ZNF638: variants seen among roughly 807,000 people sequenced by gnomAD.
ZNF638 encodes the protein zinc finger protein 638.
In ZNF638, 46 loss-of-function variants were observed where a neutral mutation model predicts 195.6. That is an observed-to-expected ratio of 0.24 (90% confidence interval 0.19 to 0.30). The LOEUF is 0.30. ZNF638 is among the 10% of genes least tolerant of loss of function. ZNF638 has a pLI of 1.00. For missense variants in ZNF638, 2,440 were observed against 2,325.3 expected, an observed-to-expected ratio of 1.05 and a Z score of -1.01; for synonymous variants, 845 against 772.0, an observed-to-expected ratio of 1.09 and a Z score of -1.57.
chr2:71,353,906 C>G (rs755206167), intron 2 of ZNF638, among the ~76,000 whole-genome samples: 4 of 152,180 alleles, frequency 2.6e-5, no homozygotes, highest in African/African-American at 9.7e-5. Context: ...TTTAGTACTA[C>G]TAGAGACTCT....
chr2:71,382,383 C>CT (rs2079549105), intron 10 of ZNF638, among the ~76,000 whole-genome samples: 1 of 151,992 alleles, frequency 6.6e-6, no homozygotes, highest in South Asian at 2.1e-4. Context: ...AAAAAGGAGC[C>CT]TATAAACAGG....
chr2:71,338,648 TTTTTTATTTATTTA>T (rs2078712670), intron 1 of ZNF638, among the ~76,000 whole-genome samples: 1 of 152,236 alleles, frequency 6.6e-6, no homozygotes, highest in African/African-American at 2.4e-5. Context: ...ACATAAATCG[TTTTTTATTTATTTA>T]TTTTCCTGGG....
At chr2:71,374,305 C>A (rs1340386150) in intron 8 of ZNF638, among the ~76,000 whole-genome samples, 1 of 152,174 alleles carries the variant, frequency 6.6e-6, no homozygotes, top group Admixed American at 6.5e-5. Context: ...TGAAAAGCTT[C>A]TTTTATGTGT....
At chr2:71,391,313 A>G (rs1052260972) in intron 10 of ZNF638, among the ~76,000 whole-genome samples, 1 of 152,206 alleles carries the variant, frequency 6.6e-6, no homozygotes, top group African/African-American at 2.4e-5. Context: ...CTTGCAGAAC[A>G]GGGCAGAGAA....
intron 1 of ZNF638, among the ~76,000 whole-genome samples, chr2:71,345,325 C>T (rs7581030): frequency 0.74 from 113,107 of 152,038 alleles, 42,629 homozygotes; most frequent in Admixed American, 0.77. Context: ...AAAGAAAAGG[C>T]AACATAATGC....
chr2:71,393,202 A>C (rs953125486), intron 10 of ZNF638, among the ~76,000 whole-genome samples: 1 of 152,230 alleles, frequency 6.6e-6, no homozygotes, highest in Non-Finnish European at 1.5e-5. Flanking sequence ...TACTAGCACA[A>C]GTGTTATTTA....
intron 11 of ZNF638, 103 bp downstream of exon 11, chr2:71,396,294 A>G (rs2079892771): frequency 1.2e-6 from 1 of 853,058 alleles, no homozygotes; most frequent in African/African-American, 1.7e-5. Context: ...CATAGTCTGT[A>G]TTGAATGCAT....
chr2:71,390,918 G>A (rs542876214), intron 10 of ZNF638, among the ~76,000 whole-genome samples: 4 of 152,178 alleles, frequency 2.6e-5, no homozygotes, highest in South Asian at 2.1e-4. Context: ...CTTTGGGGAC[G>A]GGACCGATTA....
chr2:71,403,809 T>A, intron 16 of ZNF638, 61 bp from the exon 17 acceptor site: 1 of 1,245,760 alleles, frequency 8.0e-7, no homozygotes, highest in Non-Finnish European at 1.1e-6. Context: ...TACTTGCAAG[T>A]CTGTTTTTGA....
chr2:71,423,205 G>T lies in ZNF638; in HGVS notation c.3691G>T (p.Ala1231Ser), dbSNP rs2080468223. 1 of 1,614,118 alleles carries T rather than the reference G, an allele frequency of 6.2e-7. No individual in the cohort carries two copies. Among genetic ancestry groups the T allele is most frequent in the Middle Eastern group, 1.6e-4 (1 of 6,062 alleles). The stretch of plus-strand genomic sequence containing the variant: ...ATTGTTACCATCTGACAGTGTGTTT[G>T]CAGAAGAAAGGAACCTCAAAGGAAT... Reference protein sequence around the residue: ...TALLPSDSVFAEERNLKGILE... With the variant: ...TALLPSDSVFSEERNLKGILE... Residue 1231 changes from alanine (A) to serine (S), a missense_variant, in exon 22 of 28, where the codon GCA becomes TCA. By Grantham distance (99) the Ala-to-Ser change is moderately conservative (BLOSUM62 1). Transcript: ENST00000264447.
At position 71,423,586 on chromosome 2, in the gene ZNF638, T is replaced by TC; in HGVS notation, c.4072_4073insC (p.Leu1358SerfsTer8). 6.2e-7 allele frequency: 1 copy of TC among 1,614,026 alleles called. No homozygotes were observed. Among genetic ancestry groups the TC allele is most frequent in the Non-Finnish European group, 8.5e-7 (1 of 1,180,008 alleles). Reference sequence around the variant, plus strand: ...GAAAGAAAAGCCTGCAGAAAACACTTTATTCAAGGCATACCCAAATAAAGG... The same window carrying TC: ...GAAAGAAAAGCCTGCAGAAAACACTTCTATTCAAGGCATACCCAAATAAAGG... On this transcript the variant is annotated frameshift_variant, in exon 22 of 28. Coordinates refer to ENST00000264447, the MANE Select transcript of ZNF638 (RefSeq NM_014497.5). LOFTEE classifies it high-confidence loss of function.
chr2:71,350,859 C>A (rs1340623593), intron 2 of ZNF638, among the ~76,000 whole-genome samples: 1 of 151,938 alleles, frequency 6.6e-6, no homozygotes, highest in African/African-American at 2.4e-5. Context: ...CAGCTGTGGA[C>A]TCAGAAAATA....
intron 23 of ZNF638, among the ~76,000 whole-genome samples, chr2:71,425,739 G>A (rs757371379): frequency 4.0e-5 from 6 of 151,848 alleles, no homozygotes; most frequent in Non-Finnish European, 7.4e-5. Flanking sequence ...GCGTGATCTC[G>A]GCTCACTGCA....
chr2:71,400,387 T>G, intron 14 of ZNF638, 91 bp from the exon 15 acceptor site: 1 of 1,300,290 alleles, frequency 7.7e-7, no homozygotes, highest in Non-Finnish European at 1.1e-6. Flanking sequence ...GTATTACACG[T>G]TTTCATGTAG....
At chr2:71,431,795 T>C (rs970376731) in intron 26 of ZNF638, among the ~76,000 whole-genome samples, 1 of 152,002 alleles carries the variant, frequency 6.6e-6, no homozygotes, top group South Asian at 2.1e-4. Context: ...ATAATAAGTA[T>C]TCTATTGTTT....
chr2:71,335,632 C>A (rs912136668), intron 1 of ZNF638, among the ~76,000 whole-genome samples: 1 of 152,154 alleles, frequency 6.6e-6, no homozygotes, highest in Admixed American at 6.5e-5. Context: ...TGTGCCTGTC[C>A]AGTTTCAATT....
intron 10 of ZNF638, chr2:71,393,460 C>T (rs1558865225): frequency 1.4e-6 from 1 of 718,012 alleles, no homozygotes; most frequent in African/African-American, 1.7e-5. Context: ...CAACACAGTA[C>T]CAGAAGTGAA....
rs572422710 is a variant in ZNF638 at position 71,368,664 on chromosome 2, G to C, written c.2142+136G>C. On this transcript the variant is annotated intron_variant, in intron 7 of 27. Coordinates refer to ENST00000264447, the MANE Select transcript of ZNF638 (RefSeq NM_014497.5). ...GAGAGTTATATAAATGTCTGGATGTGAATAAGCAAGGCCGCAAAATAATGT... is the reference window on the plus strand; with the variant it reads ...GAGAGTTATATAAATGTCTGGATGTCAATAAGCAAGGCCGCAAAATAATGT... 44 of 944,752 alleles carry C rather than the reference G, an allele frequency of 4.7e-5. No homozygotes were observed. The East Asian group carries it at 1.2e-3, about 25-fold the overall frequency. 58.5% of individuals were successfully genotyped at this position (944,752 alleles called of 1,614,324 possible).
intron 10 of ZNF638, among the ~76,000 whole-genome samples, chr2:71,387,951 T>G (rs999254176): frequency 1.3e-5 from 2 of 152,162 alleles, no homozygotes; most frequent in African/African-American, 4.8e-5. Flanking sequence ...ATAGTATGAT[T>G]AGGCAGATTA....
Sources: gnomAD v4.1 joint callset for allele counts (sites outside exome capture counted in the v4.1 genomes callset) on GRCh38, gnomAD v4.1.1 for gene constraint, MANE v1.5 for transcripts, NCBI Gene and HGNC (gene_info 2026-07-23, HGNC 2026-07-21) for gene names.